CMSS1: variants seen among roughly 807,000 people sequenced by gnomAD.
CMSS1 encodes the protein cms1 ribosomal small subunit homolog, also known as protein CMSS1.
Under a neutral mutation model 43.5 loss-of-function variants are expected in CMSS1, and 33 were observed. The ratio of observed to expected loss-of-function variants is 0.76; its 90% CI spans 0.57 to 1.01. The LOEUF is 1.01. Ranked by LOEUF, CMSS1 falls within the 50% of genes least tolerant of loss-of-function variation. The probability of loss-of-function intolerance (pLI) is 0.00; values close to 1 mark genes in which losing one functional copy is unlikely to be tolerated. For synonymous variants in CMSS1, 115 were observed against 117.2 expected (o/e 0.98, Z 0.12); for missense variants, 313 against 326.4 (o/e 0.96, Z 0.32).
At chr3:99,886,584 C>T (rs2107609065) in intron 1 of CMSS1, among the ~76,000 whole-genome samples, 1 of 151,884 alleles carries the variant, frequency 6.6e-6, no homozygotes, top group Middle Eastern at 3.4e-3. Context: ...ATAGAACAAA[C>T]AAATGAACAA....
At chr3:99,982,312 G>A (rs1709149156) in intron 1 of CMSS1, among the ~76,000 whole-genome samples, 1 of 151,388 alleles carries the variant, frequency 6.6e-6, no homozygotes, top group African/African-American at 2.4e-5. Flanking sequence ...TGAATGAAGA[G>A]CAAACTTTCA....
chr3:100,079,842 C>A (rs1247860529), intron 1 of CMSS1, among the ~76,000 whole-genome samples: 1 of 151,918 alleles, frequency 6.6e-6, no homozygotes, highest in Non-Finnish European at 1.5e-5. Flanking sequence ...GATTTGATAT[C>A]TCTATTATTT....
intron 1 of CMSS1, among the ~76,000 whole-genome samples, chr3:100,014,700 T>C (rs1256719246): frequency 3.3e-5 from 5 of 151,966 alleles, no homozygotes; most frequent in Admixed American, 3.3e-4. Flanking sequence ...TGCTATTGAG[T>C]TCTTTGAGTT....
chr3:100,000,169 A>G (rs1320214702), intron 1 of CMSS1, among the ~76,000 whole-genome samples: 1 of 152,142 alleles, frequency 6.6e-6, no homozygotes, highest in East Asian at 1.9e-4. Context: ...TGTTCCACAA[A>G]AATTTCTTCC....
chr3:100,025,051 G>A (rs1286251252), intron 1 of CMSS1, among the ~76,000 whole-genome samples: 6 of 152,110 alleles, frequency 3.9e-5, no homozygotes, highest in South Asian at 2.1e-4. Context: ...TAATTAACAC[G>A]CATTTTTCTT....
intron 1 of CMSS1, among the ~76,000 whole-genome samples, chr3:99,911,188 TC>T (rs1341977082): frequency 4.6e-5 from 7 of 152,116 alleles, no homozygotes; most frequent in African/African-American, 1.7e-4. Flanking sequence ...GAAATGTATT[TC>T]TTCAATCCTA....
intron 1 of CMSS1, among the ~76,000 whole-genome samples, chr3:99,991,561 A>T (rs1345170239): frequency 3.9e-5 from 6 of 152,052 alleles, no homozygotes; most frequent in Non-Finnish European, 7.4e-5. Context: ...CAAATCACAG[A>T]CATTGTACCC....
intron 1 of CMSS1, among the ~76,000 whole-genome samples, chr3:99,991,080 A>G (rs931225510): frequency 6.6e-6 from 1 of 152,214 alleles, no homozygotes; most frequent in Non-Finnish European, 1.5e-5. Flanking sequence ...ACTGGGGGTC[A>G]GTCCTGACAT....
intron 1 of CMSS1, among the ~76,000 whole-genome samples, chr3:100,038,746 C>A (rs2065152317): frequency 6.6e-6 from 1 of 152,126 alleles, no homozygotes; most frequent in Admixed American, 6.5e-5. Context: ...AGCGATCCTC[C>A]CACCTCAGCC....
intron 1 of CMSS1, chr3:99,850,901 TC>T: frequency 6.2e-7 from 1 of 1,614,192 alleles, no homozygotes; most frequent in Non-Finnish European, 8.5e-7. Context: ...TCTTGGATTT[TC>T]TGTCTTTGAA....
chr3:100,176,131 G>A, intron 8 of CMSS1, 196 bp from the exon 9 acceptor site: 3 of 490,612 alleles, frequency 6.1e-6, no homozygotes, highest in South Asian at 5.7e-5. Flanking sequence ...GGAGTGATGA[G>A]ATGATAAGAA....
chr3:100,007,011 A>G (rs1710007732), intron 1 of CMSS1, among the ~76,000 whole-genome samples: 1 of 152,188 alleles, frequency 6.6e-6, no homozygotes, highest in South Asian at 2.1e-4. Flanking sequence ...TAAATCTTTC[A>G]TTACTTACTG....
chr3:100,044,444 AG>A (rs2065250082), intron 1 of CMSS1, among the ~76,000 whole-genome samples: 1 of 152,236 alleles, frequency 6.6e-6, no homozygotes, highest in African/African-American at 2.4e-5. Context: ...AAGAATGAGT[AG>A]GAGTTAGCCA....
At chr3:100,117,825 GTATATATATATATA>G (rs1166983737) in intron 1 of CMSS1, among the ~76,000 whole-genome samples, 1 of 75,140 alleles carries the variant, frequency 1.3e-5, no homozygotes, top group African/African-American at 6.2e-5. Flanking sequence ...ATAAACTGCA[GTATATATATATATA>G]TATATATATA....
rs569324843 is a variant in CMSS1 at position 99,942,761 on chromosome 3, A to G, written c.64+124718A>G. On this transcript the variant is annotated intron_variant, in intron 1 of 9. Transcript: ENST00000421999. Reference sequence around the variant, plus strand: ...GGAGAATTGCTTGGACCCAGGAGACAGAGGTTGCAGTGAGCCGACACAGTG... The same window carrying G: ...GGAGAATTGCTTGGACCCAGGAGACGGAGGTTGCAGTGAGCCGACACAGTG... Among the ~76,000 whole-genome samples, 26 of 152,060 alleles carry G rather than the reference A, an allele frequency of 1.7e-4. No homozygotes were observed. In the South Asian group the frequency reaches 5.4e-3, roughly 32 times the overall value.
chr3:100,171,970 C>G (rs1279706680), intron 7 of CMSS1, 71 bp downstream of exon 7: 2 of 1,101,492 alleles, frequency 1.8e-6, no homozygotes, highest in Non-Finnish European at 2.8e-6. Flanking sequence ...AACCTCTTCT[C>G]CTAATCTCCT....
chr3:99,938,948 C>A (rs1199101700), intron 1 of CMSS1, among the ~76,000 whole-genome samples: 1 of 152,092 alleles, frequency 6.6e-6, no homozygotes, highest in African/African-American at 2.4e-5. Context: ...AACAAGATAA[C>A]CTAATTTAGT....
intron 1 of CMSS1, among the ~76,000 whole-genome samples, chr3:99,827,112 T>C (rs1035566672): frequency 1.3e-5 from 2 of 152,214 alleles, no homozygotes; most frequent in African/African-American, 4.8e-5. Context: ...TGTATTTGCA[T>C]TTTTATTATA....
intron 1 of CMSS1, among the ~76,000 whole-genome samples, chr3:100,092,062 A>G (rs2066119422): frequency 6.6e-6 from 1 of 152,196 alleles, no homozygotes; most frequent in Non-Finnish European, 1.5e-5. Flanking sequence ...TATCTATTTC[A>G]TAGGGCTATT....
Sources: gnomAD v4.1 joint callset for allele counts (sites outside exome capture counted in the v4.1 genomes callset) on GRCh38, gnomAD v4.1.1 for gene constraint, MANE v1.5 for transcripts, NCBI Gene and HGNC (gene_info 2026-07-23, HGNC 2026-07-21) for gene names.